Variants in SMOC1 observed in about 807,000 individuals in gnomAD.
The protein encoded by SMOC1 is SPARC-related modular calcium-binding protein 1.
Under a neutral mutation model 56.3 loss-of-function variants are expected in SMOC1, and 22 were observed. The ratio of observed to expected loss-of-function variants is 0.39; its 90% CI spans 0.28 to 0.56. The LOEUF (loss-of-function observed/expected upper bound fraction) is 0.56. Ranked by LOEUF, SMOC1 falls within the 20% of genes least tolerant of loss-of-function variation. The pLI is 0.61. For synonymous variants in SMOC1, 193 were observed against 215.0 expected (o/e 0.90, Z 0.89); for missense variants, 509 against 565.4 (o/e 0.90, Z 1.01).
intron 3 of SMOC1, among the ~76,000 whole-genome samples, chr14:69,970,538 A>G (rs1015299842): frequency 2.0e-5 from 3 of 152,218 alleles, no homozygotes; most frequent in African/African-American, 7.2e-5. Context: ...AAAGATTTGC[A>G]CACAGGGTGG....
At chr14:70,012,656 C>T (rs1885382175) in intron 9 of SMOC1, among the ~76,000 whole-genome samples, 1 of 152,048 alleles carries the variant, frequency 6.6e-6, no homozygotes, top group Admixed American at 6.5e-5. Flanking sequence ...GTAGAGGGCC[C>T]ATTTGGTGCT....
At chr14:69,999,644 C>T (rs1884896830) in intron 7 of SMOC1, among the ~76,000 whole-genome samples, 1 of 152,132 alleles carries the variant, frequency 6.6e-6, no homozygotes, top group African/African-American at 2.4e-5. Flanking sequence ...CAATCATGGC[C>T]AGTAGAATTG....
rs34504720 is a variant in SMOC1 at position 70,030,202 on chromosome 14, C to CTTTTT, written c.1292-27_1292-23dup. 134 of 1,515,066 alleles carry CTTTTT rather than the reference C, an allele frequency of 8.8e-5. No individual in the cohort carries two copies. The African/African-American group carries it at 1.8e-3, about 20-fold the overall frequency. The allele number at this position is 1,515,066 out of a possible 1,614,324, so 93.9% of individuals were successfully genotyped here. A position where few individuals can be genotyped will look rare whatever the true frequency, so the allele number is the denominator to read the frequency against. The stretch of plus-strand genomic sequence containing the variant: ...CTTCTTGCTTATATCTGCCCCCGAC[C>CTTTTT]TTTTTTTTTTTTTTTTTGCATTCTC... On this transcript the variant is annotated intron_variant, in intron 11 of 11. Transcript: ENST00000361956.
intron 8 of SMOC1, among the ~76,000 whole-genome samples, chr14:70,011,248 G>C (rs1885325290): frequency 6.6e-6 from 1 of 152,148 alleles, no homozygotes; most frequent in Admixed American, 6.5e-5. Flanking sequence ...ACTGCGTGCA[G>C]CTCAAGTATC....
intron 1 of SMOC1, among the ~76,000 whole-genome samples, chr14:69,942,636 G>A (rs575149886): frequency 6.6e-6 from 1 of 152,236 alleles, no homozygotes; most frequent in East Asian, 1.9e-4. Flanking sequence ...CCTTTTCCAG[G>A]ATGTCACATA....
At chr14:69,909,230 A>G (rs1884491870) in intron 1 of SMOC1, among the ~76,000 whole-genome samples, 1 of 152,166 alleles carries the variant, frequency 6.6e-6, no homozygotes, top group Non-Finnish European at 1.5e-5. Context: ...TATCATCATA[A>G]ATATGTGAGT....
At chr14:69,962,551 C>G (rs1883422253) in intron 3 of SMOC1, among the ~76,000 whole-genome samples, 1 of 151,962 alleles carries the variant, frequency 6.6e-6, no homozygotes, top group South Asian at 2.1e-4. Context: ...CTTTGAAGCA[C>G]AAAAGCTTCT....
intron 10 of SMOC1, among the ~76,000 whole-genome samples, chr14:70,016,770 G>A (rs938355661): frequency 3.9e-5 from 6 of 152,090 alleles, no homozygotes; most frequent in African/African-American, 4.8e-5. Context: ...CCTGTTCCAG[G>A]ACCTCTATGT....
At chr14:69,999,406 G>A (rs183675748) in intron 7 of SMOC1, among the ~76,000 whole-genome samples, 13 of 152,268 alleles carry the variant, frequency 8.5e-5, no homozygotes, top group African/African-American at 2.6e-4. Context: ...TAAACAGCTC[G>A]CAGGGAAACC....
chr14:70,011,473 C>T lies in SMOC1; in HGVS notation c.858-12C>T. The T allele has an allele frequency of 9.7e-7, 1 of 1,026,808 alleles. No individual in the cohort carries two copies. The highest frequency in any genetic ancestry group is 1.5e-6 in the Non-Finnish European group (1 of 686,550). The allele number at this position is 1,026,808 out of a possible 1,614,324, so 63.6% of individuals were successfully genotyped here. On this transcript the variant is annotated splice_polypyrimidine_tract_variant and intron_variant, in intron 8 of 11. Coordinates refer to ENST00000361956, the MANE Select transcript of SMOC1 (RefSeq NM_001034852.3). ...GCCCCTCCCAACCCCCCCCATATCT[C>T]TCTTTTCCCAGCTACGTGATGCCCA...
chr14:69,984,300 A>G (rs772232020), intron 5 of SMOC1, among the ~76,000 whole-genome samples: 1 of 152,246 alleles, frequency 6.6e-6, no homozygotes, highest in South Asian at 2.1e-4. Context: ...CGTAGACTTA[A>G]ATGTAAAATG....
chr14:69,927,016 A>C (rs1191476833), intron 1 of SMOC1, among the ~76,000 whole-genome samples: 2 of 152,200 alleles, frequency 1.3e-5, no homozygotes, highest in Non-Finnish European at 2.9e-5. Context: ...TAAATTCTTC[A>C]TGTGTCTTCA....
At position 70,002,266 on chromosome 14, in the gene SMOC1, TG is replaced by T. The variant is rs546822868; in HGVS notation, c.664+7791del. Among the ~76,000 whole-genome samples, 13 of 152,232 alleles carry T rather than the reference TG, an allele frequency of 8.5e-5. No individual in the cohort carries two copies. The South Asian group carries it at 2.5e-3, about 29-fold the overall frequency. On this transcript the variant is annotated intron_variant, in intron 7 of 11. Transcript: ENST00000361956. ...TTGCTTTCTTTTGCTGCCTATTCTG[TG>T]GGGGAAAGGGCTTTTTAGCTTAAAG... is the stretch of plus-strand genomic sequence containing the variant.
Position 69,879,457 on chromosome 14 carries a change from C to A in SMOC1, c.-222C>A, listed in dbSNP as rs962654605. ...GCCGCCTGGGCCCCGCCGAGCGGAG[C>A]TAGCGCCGCGCGCAGAGCACACGCT... is the stretch of plus-strand genomic sequence containing the variant. On this transcript the variant is annotated 5_prime_UTR_variant, in exon 1 of 12. Coordinates refer to ENST00000361956, the MANE Select transcript of SMOC1 (RefSeq NM_001034852.3). The A allele has an allele frequency of 7.5e-6, 3 of 401,500 alleles. No individual in the cohort carries two copies. Among genetic ancestry groups the A allele is most frequent in the Non-Finnish European group, 8.7e-6 (2 of 230,136 alleles). 24.9% of individuals were successfully genotyped at this position (401,500 alleles called of 1,614,324 possible).
intron 1 of SMOC1, among the ~76,000 whole-genome samples, chr14:69,924,488 T>A (rs1255585012): frequency 6.6e-6 from 1 of 151,942 alleles, no homozygotes; most frequent in Non-Finnish European, 1.5e-5. Context: ...CCACATTCCG[T>A]AATGGGAAAC....
intron 1 of SMOC1, among the ~76,000 whole-genome samples, chr14:69,897,182 G>C (rs1237976209): frequency 1.3e-5 from 2 of 152,094 alleles, no homozygotes; most frequent in Non-Finnish European, 2.9e-5. Flanking sequence ...CTTGTCTGGG[G>C]GTTGGAAAGC....
chr14:69,958,138 G>A (rs1277635419), intron 3 of SMOC1, among the ~76,000 whole-genome samples: 1 of 152,190 alleles, frequency 6.6e-6, no homozygotes, highest in African/African-American at 2.4e-5. Flanking sequence ...GCACAAGCCT[G>A]TAGTCCCAGC....
chr14:69,905,460 C>T (rs934315268), intron 1 of SMOC1, among the ~76,000 whole-genome samples: 11 of 152,096 alleles, frequency 7.2e-5, no homozygotes, highest in South Asian at 2.1e-4. Context: ...CACAAAGGAA[C>T]GTCAACTTGG....
intron 3 of SMOC1, among the ~76,000 whole-genome samples, chr14:69,960,573 T>C (rs957432314): frequency 1.3e-5 from 2 of 152,186 alleles, no homozygotes; most frequent in African/African-American, 4.8e-5. Flanking sequence ...TGGGCACTTA[T>C]TGCTTTTCTT....
Sources: gnomAD v4.1 joint callset for allele counts (sites outside exome capture counted in the v4.1 genomes callset) on GRCh38, gnomAD v4.1.1 for gene constraint, MANE v1.5 for transcripts, NCBI Gene and HGNC (gene_info 2026-07-23, HGNC 2026-07-21) for gene names.